Variants in CDK19 observed in about 807,000 individuals in gnomAD.
CDK19 encodes the protein cyclin-dependent kinase 19.
A neutral mutation model predicts 68.3 loss-of-function variants in CDK19; 20 were observed. The ratio of observed to expected loss-of-function variants is 0.29; its 90% CI spans 0.21 to 0.43. The LOEUF (loss-of-function observed/expected upper bound fraction) is 0.43, where lower values mean the gene tolerates loss of function less well. CDK19 is among the 20% of genes least tolerant of loss of function. The pLI, the probability that CDK19 is intolerant of heterozygous loss-of-function variation, is 1.00. For missense variants in CDK19, 339 were observed against 623.5 expected (o/e 0.54, Z 4.86); for synonymous variants, 221 against 222.8 (o/e 0.99, Z 0.07).
chr6:110,640,035 A>G (rs1167497834), intron 4 of CDK19, among the ~76,000 whole-genome samples: 1 of 152,018 alleles, frequency 6.6e-6, no homozygotes, highest in Non-Finnish European at 1.5e-5. Flanking sequence ...CAAAACACAA[A>G]ATAGTAAGAT....
intron 2 of CDK19, among the ~76,000 whole-genome samples, chr6:110,711,785 T>C (rs1208453917): frequency 2.0e-5 from 3 of 152,228 alleles, no homozygotes; most frequent in Non-Finnish European, 4.4e-5. Flanking sequence ...CTGGCCAACA[T>C]GGCAAAACCC....
chr6:110,709,097 G>A (rs1774741963), intron 2 of CDK19, among the ~76,000 whole-genome samples: 1 of 152,128 alleles, frequency 6.6e-6, no homozygotes, highest in South Asian at 2.1e-4. Context: ...TATCTCAATA[G>A]ATGCAGAAAA....
chr6:110,700,548 G>A (rs1252334575), intron 2 of CDK19: 5 of 152,210 alleles, frequency 3.3e-5, no homozygotes, highest in Non-Finnish European at 7.3e-5. Context: ...CAGTAAGGAA[G>A]CTGTGCCACA....
rs1778097935 is a variant in CDK19, at chr6:110,746,666, C to T, written c.129-465G>A. 2.0e-5 allele frequency among the ~76,000 whole-genome samples: 3 copies of T among 152,110 alleles called. 1 individual carries two copies. The highest frequency in any genetic ancestry group is 7.2e-5 in the African/African-American group (3 of 41,440). On this transcript the variant is annotated intron_variant, in intron 1 of 12. Coordinates refer to ENST00000368911, the MANE Select transcript of CDK19 (RefSeq NM_015076.5). ...TTATAGGAATCATAACCCACTAAAACACACTGTATCTCACCTAGCATGGGG... is the reference window on the plus strand; with the variant it reads ...TTATAGGAATCATAACCCACTAAAATACACTGTATCTCACCTAGCATGGGG...
chr6:110,667,391 G>C, intron 4 of CDK19, 43 bp downstream of exon 4: 2 of 1,320,942 alleles, frequency 1.5e-6, no homozygotes, highest in Non-Finnish European at 2.1e-6. Flanking sequence ...TTTTAAAAGA[G>C]TAGGGAAAAA....
intron 5 of CDK19, among the ~76,000 whole-genome samples, chr6:110,634,422 T>A (rs1345715868): frequency 3.9e-5 from 6 of 152,222 alleles, no homozygotes; most frequent in Non-Finnish European, 8.8e-5. Flanking sequence ...TTCACCATGT[T>A]GGCCAGGCTG....
At chr6:110,769,629 T>C (rs946317190) in intron 1 of CDK19, among the ~76,000 whole-genome samples, 1 of 151,640 alleles carries the variant, frequency 6.6e-6, no homozygotes, top group Non-Finnish European at 1.5e-5. Flanking sequence ...GGGTGGTATA[T>C]GGGAACTCTA....
At chr6:110,660,282 G>A (rs1781537817) in intron 4 of CDK19, among the ~76,000 whole-genome samples, 1 of 152,140 alleles carries the variant, frequency 6.6e-6, no homozygotes, top group South Asian at 2.1e-4. Flanking sequence ...ATGCAGGCGA[G>A]TGGGTACAGG....
chr6:110,722,850 G>T (rs1258132350), intron 2 of CDK19, among the ~76,000 whole-genome samples: 1 of 151,864 alleles, frequency 6.6e-6, no homozygotes, highest in African/African-American at 2.4e-5. Context: ...CTGGGTGACA[G>T]AGTGAGACCC....
chr6:110,705,088 G>T (rs1271107326), intron 2 of CDK19, among the ~76,000 whole-genome samples: 1 of 151,118 alleles, frequency 6.6e-6, no homozygotes, highest in African/African-American at 2.4e-5. Context: ...TGTCACCCAG[G>T]CTGGAGCAAT....
At chr6:110,717,643 G>A (rs774959233) in intron 2 of CDK19, among the ~76,000 whole-genome samples, 9 of 152,098 alleles carry the variant, frequency 5.9e-5, no homozygotes, top group African/African-American at 9.7e-5. Flanking sequence ...GGGGCCTTTC[G>A]GGGGTGATTA....
Position 110,667,513 on chromosome 6 carries a change from G to C in CDK19, c.377C>G (p.Ser126Cys). The C allele has an allele frequency of 1.3e-6, 2 of 1,593,718 alleles. No homozygotes were observed. Among genetic ancestry groups the C allele is most frequent in the Non-Finnish European group, 1.7e-6 (2 of 1,166,474 alleles). The change falls in exon 4 of 13, where the codon TCT (serine) becomes TGT (cysteine). Residue 126 changes from serine to cysteine, a missense_variant. This residue lies in a region of CDK19 where 120 missense variants were observed against 224.0 expected (regional missense o/e 0.54). Transcript: ENST00000368911. ...CTGGTAAAGTAAGGATTTAACCATA[G>C]ATCTTGGCAACTGCATGGGCTTTTT... ...ANKKPMQLPR[S>C]MVKSLLYQIL...
At position 110,614,609 on chromosome 6, in the gene CDK19, T is replaced by A. The variant is rs1281492474; in HGVS notation, c.1435A>T (p.Ser479Cys). ...GACGAGGAAGAGTAGCCAAGTGTGCTCTGGGACTGAGAGGATCCCTGAACG... is the reference window on the plus strand; with the variant it reads ...GACGAGGAAGAGTAGCCAAGTGTGCACTGGGACTGAGAGGATCCCTGAACG... Reference protein sequence around the residue: ...SSVQGSSQSQSTLGYSSSSQQ... With the variant: ...SSVQGSSQSQCTLGYSSSSQQ... Residue 479 changes from serine to cysteine, a missense_variant, in exon 13 of 13, where the codon AGC becomes TGC. Transcript: ENST00000368911. 1 of 1,613,860 alleles carries A rather than the reference T, an allele frequency of 6.2e-7. No individual in the cohort carries two copies. Among genetic ancestry groups the A allele is most frequent in the East Asian group, 2.2e-5 (1 of 44,894 alleles).
At chr6:110,660,535 G>A (rs1376547903) in intron 4 of CDK19, among the ~76,000 whole-genome samples, 11 of 152,100 alleles carry the variant, frequency 7.2e-5, no homozygotes, top group South Asian at 6.2e-4. Context: ...GAATGAGGTC[G>A]CCTGGGCAAA....
chr6:110,652,921 G>A (rs2114278880), intron 4 of CDK19, among the ~76,000 whole-genome samples: 1 of 152,304 alleles, frequency 6.6e-6, no homozygotes, highest in South Asian at 2.1e-4. Flanking sequence ...AGTAGCTTAT[G>A]AGCTCTTTTG....
intron 2 of CDK19, among the ~76,000 whole-genome samples, chr6:110,708,019 T>C (rs373666242): frequency 6.6e-6 from 1 of 152,142 alleles, no homozygotes; most frequent in African/African-American, 2.4e-5. Flanking sequence ...TTATAGTATG[T>C]TTTTTAATAT....
At chr6:110,815,833 C>T (rs1464444219), upstream of CDK19, 2 of 152,502 alleles carry the variant, frequency 1.3e-5, no homozygotes, top group Non-Finnish European at 2.9e-5. Context: ...GCTGCAGTGA[C>T]TCGGGAGGCG....
Position 110,610,411 on chromosome 6 carries a change from GAC to G in CDK19, c.*4122_*4123del, listed in dbSNP as rs1777960654. ...GTGTAATACTTTTAGTGTCTACACA[GAC>G]AAATCTTTAAAAAAATTAAATAGTA... On this transcript the variant is annotated 3_prime_UTR_variant, in exon 13 of 13. Transcript: ENST00000368911. 6.6e-6 allele frequency: 1 copy of G among 151,954 alleles called. No individual in the cohort carries two copies. Among genetic ancestry groups the G allele is most frequent in the Non-Finnish European group, 1.5e-5 (1 of 67,898 alleles). The allele number at this position is 151,954 out of a possible 1,614,324, so 9.4% of individuals were successfully genotyped here. A position where few individuals can be genotyped will look rare whatever the true frequency, so the allele number is the denominator to read the frequency against.
intron 1 of CDK19, among the ~76,000 whole-genome samples, chr6:110,798,932 C>T (rs1583129632): frequency 6.6e-6 from 1 of 151,310 alleles, no homozygotes; most frequent in East Asian, 2.0e-4. Flanking sequence ...CACCTGAGCC[C>T]AAGAGTTCAA....
Sources: gnomAD v4.1 joint callset for allele counts (sites outside exome capture counted in the v4.1 genomes callset) on GRCh38, gnomAD v4.1.1 for gene constraint, gnomAD v4.1.1 regional missense constraint, MANE v1.5 for transcripts, NCBI Gene and HGNC (gene_info 2026-07-23, HGNC 2026-07-21) for gene names.